Variants in TENM3 observed in about 807,000 individuals in gnomAD.
The protein encoded by TENM3 is teneurin-3.
A neutral mutation model predicts 255.1 loss-of-function variants in TENM3; 63 were observed. The observed-to-expected ratio is 0.25, with a 90% CI of 0.20 to 0.30. The LOEUF is 0.30. TENM3 is among the 10% of genes least tolerant of loss of function. The probability of loss-of-function intolerance (pLI) is 1.00; values close to 1 mark genes in which losing one functional copy is unlikely to be tolerated. For synonymous variants in TENM3, 1,306 were observed against 1,322.3 expected, an observed-to-expected ratio of 0.99 and a Z score of 0.27; for missense variants, 2,929 against 3,461.1, an observed-to-expected ratio of 0.85 and a Z score of 3.86.
chr4:181,727,125 A>C, the TENM3 span, among the ~76,000 whole-genome samples: 2 of 152,090 alleles, frequency 1.3e-5, no homozygotes, highest in African/African-American at 4.8e-5. Flanking sequence ...GATTGATTAA[A>C]CCATTGGCCA....
intron 3 of TENM3, among the ~76,000 whole-genome samples, chr4:182,584,223 A>C (rs771167641): frequency 2.6e-5 from 4 of 152,246 alleles, no homozygotes; most frequent in Non-Finnish European, 5.9e-5. Context: ...ATGTAATTTC[A>C]GTTCTGGCAT....
intron 1 of TENM3, among the ~76,000 whole-genome samples, chr4:182,276,030 C>G (rs927479656): frequency 6.6e-6 from 1 of 152,146 alleles, no homozygotes; most frequent in Non-Finnish European, 1.5e-5. Context: ...CTTGGCTGGT[C>G]AAGCACGGCC....
At chr4:182,038,232 ACTT>A in the TENM3 span, among the ~76,000 whole-genome samples, 9,684 of 152,208 alleles carry the variant, frequency 0.064, 379 homozygotes, top group African/African-American at 0.1. Context: ...TTCATTGATA[ACTT>A]CTTCTTACCA....
intron 5 of TENM3, among the ~76,000 whole-genome samples, chr4:182,640,466 T>C (rs1752204373): frequency 6.6e-6 from 1 of 152,252 alleles, no homozygotes. Flanking sequence ...TACATAGAAT[T>C]TGTTTATAAA....
Position 182,800,121 on chromosome 4 carries a change from G to A in TENM3, c.7870G>A (p.Ala2624Thr). The A allele has an allele frequency of 6.7e-7, 1 of 1,494,100 alleles. No homozygotes were observed. The highest frequency in any genetic ancestry group is 8.8e-7 in the Non-Finnish European group (1 of 1,130,620). 92.6% of individuals were successfully genotyped at this position (1,494,100 alleles called of 1,614,324 possible). Reference protein sequence around the residue: ...DEEKARILEQARQRALARAWA... With the variant: ...DEEKARILEQTRQRALARAWA... ...GGAGAAGGCGCGCATCCTGGAGCAG[G>A]CGCGGCAGCGCGCGCTCGCCCGGGC... Residue 2624 changes from alanine (A) to threonine (T), a missense_variant, in exon 28 of 28, where the codon GCG (alanine) becomes ACG (threonine). Ala to Thr is a moderately conservative substitution (Grantham distance 58, BLOSUM62 0). Around this residue, in one of 6 missense-constraint regions of TENM3, gnomAD observed 476 missense variants for 480.1 expected, o/e 0.99. Transcript: ENST00000511685.
At chr4:181,986,922 C>T in the TENM3 span, among the ~76,000 whole-genome samples, 1 of 152,026 alleles carries the variant, frequency 6.6e-6, no homozygotes, top group Non-Finnish European at 1.5e-5. Context: ...AAACTATGAA[C>T]AGTACTTCTG....
intron 24 of TENM3, among the ~76,000 whole-genome samples, chr4:182,778,914 A>ATG (rs950643249): frequency 1.9e-4 from 28 of 148,134 alleles, no homozygotes; most frequent in African/African-American, 6.0e-4. Context: ...GTGTGTGTGT[A>ATG]TGTGTGTGTG....
chr4:182,115,172 C>T, the TENM3 span, among the ~76,000 whole-genome samples: 9 of 152,164 alleles, frequency 5.9e-5, no homozygotes, highest in African/African-American at 2.2e-4. Context: ...CAGAGTAAGA[C>T]TCTGTCTCAA....
chr4:181,667,842 A>G, the TENM3 span, among the ~76,000 whole-genome samples: 1 of 152,182 alleles, frequency 6.6e-6, no homozygotes, highest in African/African-American at 2.4e-5. Flanking sequence ...AGGACCTGTC[A>G]TAAGGGCACT....
the TENM3 span, among the ~76,000 whole-genome samples, chr4:181,517,472 C>T: frequency 6.6e-6 from 1 of 152,298 alleles, no homozygotes; most frequent in South Asian, 2.1e-4. Context: ...ACTGGCCCTG[C>T]AGAGCCAGGC....
At chr4:182,262,859 A>G (rs79514864) in intron 1 of TENM3, among the ~76,000 whole-genome samples, 1,764 of 151,258 alleles carry the variant, frequency 0.012, 21 homozygotes, top group South Asian at 0.046. Flanking sequence ...GACTACAGGC[A>G]CCCACCACCA....
chr4:181,907,283 T>C, the TENM3 span, among the ~76,000 whole-genome samples: 2 of 152,134 alleles, frequency 1.3e-5, no homozygotes, highest in Non-Finnish European at 2.9e-5. Flanking sequence ...CCGTGGCAAG[T>C]TGGAGTGTAT....
At chr4:182,500,260 G>GT (rs2151643983) in intron 3 of TENM3, among the ~76,000 whole-genome samples, 1 of 152,220 alleles carries the variant, frequency 6.6e-6, no homozygotes, top group South Asian at 2.1e-4. Context: ...AAAGAGACAA[G>GT]TAAATGAGTT....
chr4:181,767,631 G>T, the TENM3 span, among the ~76,000 whole-genome samples: 1 of 152,058 alleles, frequency 6.6e-6, no homozygotes, highest in Non-Finnish European at 1.5e-5. Flanking sequence ...ATTCCAGAGA[G>T]TCTTACTCAG....
At chr4:181,627,414 C>T in the TENM3 span, among the ~76,000 whole-genome samples, 1 of 152,096 alleles carries the variant, frequency 6.6e-6, no homozygotes, top group Non-Finnish European at 1.5e-5. Flanking sequence ...TATACGTGTG[C>T]CATGTTGCTG....
At chr4:181,907,896 A>G in the TENM3 span, among the ~76,000 whole-genome samples, 1 of 152,206 alleles carries the variant, frequency 6.6e-6, no homozygotes, top group Non-Finnish European at 1.5e-5. Context: ...CCATGCATTT[A>G]AAGAAGTATT....
intron 1 of TENM3, among the ~76,000 whole-genome samples, chr4:182,165,572 T>G (rs959520056): frequency 2.0e-5 from 3 of 152,208 alleles, no homozygotes; most frequent in African/African-American, 7.2e-5. Flanking sequence ...AGGAACAGGC[T>G]AAACAGATAT....
At chr4:182,080,764 G>A in the TENM3 span, among the ~76,000 whole-genome samples, 164 of 152,326 alleles carry the variant, frequency 1.1e-3, no homozygotes, top group Non-Finnish European at 2.1e-3. Context: ...GGCAAAGGCA[G>A]GAGGATCACC....
At chr4:182,329,799 A>G (rs116366079) in intron 2 of TENM3, among the ~76,000 whole-genome samples, 63 of 152,334 alleles carry the variant, frequency 4.1e-4, no homozygotes, top group African/African-American at 1.5e-3. Context: ...AAGAGAGGTT[A>G]ATGGTTTTGA....
Sources: gnomAD v4.1 joint callset for allele counts (sites outside exome capture counted in the v4.1 genomes callset) on GRCh38, gnomAD v4.1.1 for gene constraint, gnomAD v4.1.1 regional missense constraint, MANE v1.5 for transcripts, NCBI Gene and HGNC (gene_info 2026-07-23, HGNC 2026-07-21) for gene names.